KSR2: variants seen among roughly 807,000 people sequenced by gnomAD.
KSR2 encodes kinase suppressor of ras 2.
A neutral mutation model predicts 107.8 loss-of-function variants in KSR2; 25 were observed. The ratio of observed to expected loss-of-function variants is 0.23; its 90% CI spans 0.17 to 0.32. The LOEUF (loss-of-function observed/expected upper bound fraction) is 0.32. Ranked by LOEUF, KSR2 falls within the 10% of genes least tolerant of loss-of-function variation. The pLI, the probability that KSR2 is intolerant of heterozygous loss-of-function variation, is 1.00. For synonymous variants in KSR2, 480 were observed against 507.0 expected (o/e 0.95, Z 0.71); for missense variants, 887 against 1,268.9 (o/e 0.70, Z 4.57).
At chr12:117,653,657 T>A (rs889894589) in intron 5 of KSR2, among the ~76,000 whole-genome samples, 3 of 152,244 alleles carry the variant, frequency 2.0e-5, no homozygotes, top group Admixed American at 1.3e-4. Flanking sequence ...GGTCCAGTGG[T>A]GTGGGACCTG....
chr12:117,899,357 G>C (rs527494802), intron 1 of KSR2, among the ~76,000 whole-genome samples: 1 of 152,078 alleles, frequency 6.6e-6, no homozygotes, highest in African/African-American at 2.4e-5. Flanking sequence ...GCCAGGCGTG[G>C]TGGCACATAC....
chr12:117,850,987 A>G (rs1892901269), intron 3 of KSR2, among the ~76,000 whole-genome samples: 1 of 152,222 alleles, frequency 6.6e-6, no homozygotes, highest in African/African-American at 2.4e-5. Context: ...GTAAGCATTA[A>G]AATGTTTTTA....
intron 5 of KSR2, among the ~76,000 whole-genome samples, chr12:117,653,167 T>C (rs1056914826): frequency 6.6e-6 from 1 of 152,252 alleles, no homozygotes; most frequent in Non-Finnish European, 1.5e-5. Context: ...AGAAGACAGA[T>C]GGATCTTGGA....
chr12:117,853,201 C>T (rs1001585323), intron 3 of KSR2, among the ~76,000 whole-genome samples: 1 of 152,204 alleles, frequency 6.6e-6, no homozygotes, highest in African/African-American at 2.4e-5. Flanking sequence ...GGGGTATTCA[C>T]AGCAGCGTTG....
chr12:117,960,442 T>C (rs1014605014), intron 1 of KSR2, among the ~76,000 whole-genome samples: 14 of 152,150 alleles, frequency 9.2e-5, no homozygotes, highest in Admixed American at 9.2e-4. Context: ...CTGGCGCCTG[T>C]CCTCTAGGAA....
At chr12:117,500,758 G>A (rs1316456046) in intron 14 of KSR2, among the ~76,000 whole-genome samples, 2 of 152,240 alleles carry the variant, frequency 1.3e-5, no homozygotes, top group Non-Finnish European at 1.5e-5. Flanking sequence ...CAATGAGGAA[G>A]TAGTGGCTCA....
At chr12:117,515,465 C>T (rs1334279704) in intron 14 of KSR2, among the ~76,000 whole-genome samples, 2 of 151,984 alleles carry the variant, frequency 1.3e-5, no homozygotes, top group East Asian at 1.9e-4. Flanking sequence ...TATGGAGGAC[C>T]TAGTATTTTG....
At chr12:117,649,509 GA>G (rs76884376) in intron 5 of KSR2, among the ~76,000 whole-genome samples, 2,593 of 152,266 alleles carry the variant, frequency 0.017, 81 homozygotes, top group East Asian at 0.16. Flanking sequence ...TAGTGCTTAG[GA>G]TCCTTTCATT....
intron 1 of KSR2, among the ~76,000 whole-genome samples, chr12:117,901,394 C>T (rs751040259): frequency 1.2e-4 from 18 of 151,858 alleles, no homozygotes; most frequent in Admixed American, 4.6e-4. Context: ...CCTCCACCTC[C>T]TGGGTTCAAG....
intron 1 of KSR2, among the ~76,000 whole-genome samples, chr12:117,885,802 T>C (rs116678729): frequency 0.015 from 2,334 of 151,890 alleles, 51 homozygotes; most frequent in African/African-American, 0.053. Context: ...CATATACCTA[T>C]GTAACAAACC....
rs763424560 is a variant in KSR2, at chr12:117,525,070, C to T, written c.2001G>A (p.Glu667=). The change falls in exon 14 of 20, where the codon GAG becomes GAA. Residue 667 remains glutamate, a synonymous_variant. Transcript: ENST00000339824. The stretch of plus-strand genomic sequence containing the variant: ...GGCCCTTTCCAATGAGCTCGCCGAT[C>T]TCCAGCTGCTCAAAGGGGATGTCCC... ...QEWDIPFEQL[E]IGELIGKGRF... The T allele has an allele frequency of 5.0e-6, 8 of 1,613,998 alleles. No individual in the cohort carries two copies. In the South Asian group the frequency reaches 7.7e-5, roughly 16 times the overall value.
chr12:117,605,059 G>A (rs1438816036), intron 5 of KSR2, among the ~76,000 whole-genome samples: 2 of 152,190 alleles, frequency 1.3e-5, no homozygotes, highest in East Asian at 1.9e-4. Context: ...CTAATCTCTT[G>A]TGCTTTCTTG....
At chr12:117,734,423 T>C (rs1341658643) in intron 4 of KSR2, among the ~76,000 whole-genome samples, 2 of 152,012 alleles carry the variant, frequency 1.3e-5, no homozygotes, top group Non-Finnish European at 2.9e-5. Flanking sequence ...CCTGGGGAGC[T>C]TCTCCTAGAC....
chr12:117,872,621 G>GA (rs1378907169), intron 1 of KSR2, among the ~76,000 whole-genome samples: 1 of 152,028 alleles, frequency 6.6e-6, no homozygotes, highest in Non-Finnish European at 1.5e-5. Context: ...CTGATTCAGT[G>GA]AATCTGGAGA....
chr12:117,820,020 A>G (rs1343684405), intron 3 of KSR2, among the ~76,000 whole-genome samples: 3 of 139,130 alleles, frequency 2.2e-5, no homozygotes, highest in Non-Finnish European at 5.0e-5. Flanking sequence ...GACTCACCGG[A>G]AAATGCGAAT....
At chr12:117,581,690 G>A (rs1388356531) in intron 6 of KSR2, among the ~76,000 whole-genome samples, 7 of 152,138 alleles carry the variant, frequency 4.6e-5, no homozygotes, top group African/African-American at 1.7e-4. Context: ...CCTGGTATAT[G>A]CAAACCCCCC....
intron 1 of KSR2, among the ~76,000 whole-genome samples, chr12:117,942,942 G>T (rs116507887): frequency 2.0e-5 from 3 of 152,064 alleles, no homozygotes; most frequent in African/African-American, 7.2e-5. Flanking sequence ...ATGCTTTACC[G>T]TATGCTGGAA....
intron 4 of KSR2, among the ~76,000 whole-genome samples, chr12:117,737,529 T>A (rs1170752050): frequency 6.6e-6 from 1 of 152,140 alleles, no homozygotes; most frequent in African/African-American, 2.4e-5. Flanking sequence ...GTGCCTGTAA[T>A]CCCACCACTT....
chr12:117,563,075 CA>C lies in KSR2; in HGVS notation c.1326-4503del, dbSNP rs368013799. Among the ~76,000 whole-genome samples the C allele has an allele frequency of 2.7e-3, 409 of 152,274 alleles. 4 individuals are homozygous for C. Among genetic ancestry groups the C allele is most frequent in the African/African-American group, 9.1e-3 (380 of 41,546 alleles). Reference sequence around the variant, plus strand: ...TCCCTCTTAATGGAAACTGTTCTTCCAGCTGGAAATGTGCATCATTTTCCCA... The same window carrying C: ...TCCCTCTTAATGGAAACTGTTCTTCCGCTGGAAATGTGCATCATTTTCCCA... On this transcript the variant is annotated intron_variant, in intron 7 of 19. Coordinates refer to ENST00000339824, the MANE Select transcript of KSR2 (RefSeq NM_173598.6).
Sources: gnomAD v4.1 joint callset for allele counts (sites outside exome capture counted in the v4.1 genomes callset) on GRCh38, gnomAD v4.1.1 for gene constraint, MANE v1.5 for transcripts, NCBI Gene and HGNC (gene_info 2026-07-23, HGNC 2026-07-21) for gene names.